The following PDE4D variants were observed in gnomAD, a reference collection of about 807,000 sequenced individuals.
The protein encoded by PDE4D is phosphodiesterase 4D, also known as 3',5'-cyclic-AMP phosphodiesterase 4D.
In PDE4D, 24 loss-of-function variants were observed where a neutral mutation model predicts 87.4. The ratio of observed to expected loss-of-function variants is 0.27; its 90% CI spans 0.20 to 0.39. The LOEUF (loss-of-function observed/expected upper bound fraction) is 0.39, where lower values mean the gene tolerates loss of function less well. Ranked by LOEUF, PDE4D falls within the 10% of genes least tolerant of loss-of-function variation. PDE4D has a pLI of 1.00. For synonymous variants in PDE4D, 384 were observed against 383.2 expected (o/e 1.00, Z -0.02); for missense variants, 714 against 1,041.0 (o/e 0.69, Z 4.32).
rs1762170854 is a variant in PDE4D, at chr5:59,762,431, TATGTGTATATGGGTACAC to T, written c.455+130719_455+130736del. ...ATGTGTATATGGGTACACATGTGTATATGTGTATATGGGTACACATATGTGTATATGTGTATATGGGTA... is the reference window on the plus strand; with the variant it reads ...ATGTGTATATGGGTACACATGTGTATATATGTGTATATGTGTATATGGGTA... On this transcript the variant is annotated intron_variant, in intron 1 of 14. Coordinates refer to ENST00000340635, the MANE Select transcript of PDE4D (RefSeq NM_001104631.2). Among the ~76,000 whole-genome samples the T allele has an allele frequency of 7.1e-5, 10 of 140,400 alleles. 2 individuals carry two copies. The highest frequency in any genetic ancestry group is 4.3e-4 in the South Asian group (2 of 4,628). The allele number at this position is 140,400 out of a possible 152,430, so 92.1% of individuals were successfully genotyped here. A position where few individuals can be genotyped will look rare whatever the true frequency, so the allele number is the denominator to read the frequency against.
intron 3 of PDE4D, among the ~76,000 whole-genome samples, chr5:59,915,151 T>A (rs533035266): frequency 6.6e-6 from 1 of 152,272 alleles, no homozygotes; most frequent in South Asian, 2.1e-4. Context: ...TGTACATTTC[T>A]CTATAGAGAT....
chr5:60,487,209 G>A (rs1274294025), intron 1 of PDE4D, among the ~76,000 whole-genome samples: 10 of 152,108 alleles, frequency 6.6e-5, no homozygotes, highest in Non-Finnish European at 1.3e-4. Flanking sequence ...ACCTAATAAC[G>A]GCTTCCCTGG....
At chr5:59,091,994 A>C (rs1257960880) in intron 5 of PDE4D, among the ~76,000 whole-genome samples, 1 of 152,166 alleles carries the variant, frequency 6.6e-6, no homozygotes, top group Non-Finnish European at 1.5e-5. Flanking sequence ...AATGTTAGCA[A>C]GGTAAAACAC....
chr5:59,025,755 G>A (rs114558939), intron 6 of PDE4D, among the ~76,000 whole-genome samples: 5 of 152,206 alleles, frequency 3.3e-5, no homozygotes, highest in Admixed American at 3.3e-4. Context: ...TTCTGAAATG[G>A]AGATGGCAGA....
chr5:60,264,164 T>C (rs1749939732), intron 1 of PDE4D, among the ~76,000 whole-genome samples: 1 of 151,988 alleles, frequency 6.6e-6, no homozygotes, highest in Non-Finnish European at 1.5e-5. Flanking sequence ...GCTTTAGAAG[T>C]GGGAATGCAC....
At chr5:58,987,726 TA>T (rs1326518995) in intron 11 of PDE4D, among the ~76,000 whole-genome samples, 1 of 152,218 alleles carries the variant, frequency 6.6e-6, no homozygotes, top group African/African-American at 2.4e-5. Flanking sequence ...TATGATTTTA[TA>T]ATCTACCATA....
intron 1 of PDE4D, among the ~76,000 whole-genome samples, chr5:60,404,429 T>C (rs1392973165): frequency 6.6e-6 from 1 of 152,192 alleles, no homozygotes. Context: ...AAAAACTCTC[T>C]GATGTCAGGT....
intron 1 of PDE4D, among the ~76,000 whole-genome samples, chr5:60,355,716 C>T (rs943827715): frequency 6.6e-6 from 1 of 151,670 alleles, no homozygotes; most frequent in Non-Finnish European, 1.5e-5. Flanking sequence ...ATACTGTATT[C>T]TTACAATAAA....
chr5:59,343,149 A>G (rs1456696325), intron 1 of PDE4D, among the ~76,000 whole-genome samples: 3 of 151,426 alleles, frequency 2.0e-5, no homozygotes, highest in Non-Finnish European at 4.4e-5. Flanking sequence ...GTTCCCCCCT[A>G]TGTATCCATG....
intron 1 of PDE4D, among the ~76,000 whole-genome samples, chr5:59,629,996 T>C (rs1349418077): frequency 1.3e-5 from 2 of 152,184 alleles, no homozygotes; most frequent in Non-Finnish European, 2.9e-5. Context: ...TACAAGTAAA[T>C]AGATTAGTTT....
chr5:59,242,575 C>T (rs568862753), intron 1 of PDE4D, among the ~76,000 whole-genome samples: 1 of 152,200 alleles, frequency 6.6e-6, no homozygotes, highest in East Asian at 1.9e-4. Context: ...ACCAGCAATG[C>T]TAATCACTTA....
At chr5:59,022,363 G>A (rs1755350834) in intron 6 of PDE4D, among the ~76,000 whole-genome samples, 2 of 151,972 alleles carry the variant, frequency 1.3e-5, no homozygotes, top group South Asian at 2.1e-4. Flanking sequence ...TGCCTAATAC[G>A]TCTTTCCTCT....
At chr5:59,093,689 T>G (rs1272756398) in intron 5 of PDE4D, among the ~76,000 whole-genome samples, 1 of 152,240 alleles carries the variant, frequency 6.6e-6, no homozygotes, top group Non-Finnish European at 1.5e-5. Flanking sequence ...TCATTGTCAT[T>G]GTTGCTTTGT....
At chr5:60,011,919 T>C (rs915296165) in intron 2 of PDE4D, among the ~76,000 whole-genome samples, 2 of 152,140 alleles carry the variant, frequency 1.3e-5, no homozygotes, top group African/African-American at 4.8e-5. Flanking sequence ...AAATAAAGGC[T>C]CTCATAGACA....
At chr5:59,426,998 TACACACACACACACACACACACACACAC>T (rs3061709) in intron 1 of PDE4D, among the ~76,000 whole-genome samples, 2 of 125,144 alleles carry the variant, frequency 1.6e-5, no homozygotes, top group African/African-American at 6.0e-5. Context: ...CTTGAAGCTA[TACACACACACACACACACACACACACAC>T]ACACACACAC....
intron 1 of PDE4D, among the ~76,000 whole-genome samples, chr5:59,244,680 CTGTGTGTGTGTGTGTGTGTGTGTG>C (rs369829189): frequency 8.3e-6 from 1 of 120,054 alleles, no homozygotes; most frequent in African/African-American, 3.3e-5. Flanking sequence ...GTGTGTGTGT[CTGTGTGTGTGTGTGTGTGTGTGTG>C]TGTGTGTGTG....
chr5:60,442,487 T>A (rs1249775147), intron 1 of PDE4D, among the ~76,000 whole-genome samples: 1 of 152,062 alleles, frequency 6.6e-6, no homozygotes, highest in Non-Finnish European at 1.5e-5. Flanking sequence ...CTAATGTAGA[T>A]GACGGTTGAT....
chr5:59,460,566 G>A (rs753757664), intron 1 of PDE4D, among the ~76,000 whole-genome samples: 22 of 152,154 alleles, frequency 1.4e-4, no homozygotes, highest in East Asian at 3.9e-4. Flanking sequence ...ATGCTGGGTC[G>A]TCTGGACAAT....
At chr5:59,076,611 T>C (rs1765716076) in intron 5 of PDE4D, among the ~76,000 whole-genome samples, 1 of 152,168 alleles carries the variant, frequency 6.6e-6, no homozygotes, top group African/African-American at 2.4e-5. Flanking sequence ...TTGAAATCAA[T>C]TTTCTTGGCT....
Sources: gnomAD v4.1 joint callset for allele counts (sites outside exome capture counted in the v4.1 genomes callset) on GRCh38, gnomAD v4.1.1 for gene constraint, MANE v1.5 for transcripts, NCBI Gene and HGNC (gene_info 2026-07-23, HGNC 2026-07-21) for gene names.